The following DAP3 variants were observed in gnomAD, a reference collection of about 807,000 sequenced individuals.
The protein encoded by DAP3 is small ribosomal subunit protein mS29.
Under a neutral mutation model 51.9 loss-of-function variants are expected in DAP3, and 28 were observed. The ratio of observed to expected loss-of-function variants is 0.54; its 90% CI spans 0.40 to 0.74. DAP3 has a LOEUF of 0.74. Ranked by LOEUF, DAP3 falls within the 30% of genes least tolerant of loss-of-function variation. DAP3 has a pLI of 0.00. For missense variants in DAP3, 458 were observed against 483.5 expected, an observed-to-expected ratio of 0.95 and a Z score of 0.49; for synonymous variants, 170 against 170.3, an observed-to-expected ratio of 1.00 and a Z score of 0.01.
At chr1:155,688,303 C>G, upstream of DAP3, 1 of 1,566,314 alleles carries the variant, frequency 6.4e-7, no homozygotes, top group Non-Finnish European at 8.7e-7. Context: ...TTTCCCCTCG[C>G]AAAGCGAACC....
At chr1:155,719,547 CTTTT>C (rs943597277) in intron 3 of DAP3, among the ~76,000 whole-genome samples, 2 of 145,884 alleles carry the variant, frequency 1.4e-5, no homozygotes, top group African/African-American at 5.1e-5. Context: ...AAAAAATTTT[CTTTT>C]TCTTTTTCTT....
At position 155,725,392 on chromosome 1, in the gene DAP3, T is replaced by G; in HGVS notation, c.281T>G (p.Phe94Cys). Reference protein sequence around the residue: ...PPRFVMQVKTFSEACLMVRKP... With the variant: ...PPRFVMQVKTCSEACLMVRKP... ...TTCCTACTTTATCAGGTGAAGACATTCAGTGAAGCTTGCCTGATGGTAAGG... is the reference window on the plus strand; with the variant it reads ...TTCCTACTTTATCAGGTGAAGACATGCAGTGAAGCTTGCCTGATGGTAAGG... Residue 94 changes from phenylalanine to cysteine, a missense_variant, in exon 5 of 13, where the codon TTC (phenylalanine) becomes TGC (cysteine). Physicochemically the swap from Phe to Cys is radical, Grantham distance 205 (BLOSUM62 -2). Transcript: ENST00000368336. 1.2e-6 allele frequency: 2 copies of G among 1,614,006 alleles called. No individual in the cohort carries two copies. The highest frequency in any genetic ancestry group is 1.7e-6 in the Non-Finnish European group (2 of 1,179,968).
chr1:155,707,554 A>G (rs918034751), intron 1 of DAP3, among the ~76,000 whole-genome samples: 2 of 152,188 alleles, frequency 1.3e-5, no homozygotes, highest in Non-Finnish European at 2.9e-5. Flanking sequence ...GGGCTTTTAA[A>G]TTAGATATTT....
At chr1:155,718,609 C>A (rs1169894104) in intron 3 of DAP3, among the ~76,000 whole-genome samples, 1 of 151,590 alleles carries the variant, frequency 6.6e-6, no homozygotes, top group Admixed American at 6.6e-5. Context: ...ATGGTATGAA[C>A]CTGGAGGTGG....
intron 3 of DAP3, 26 bp downstream of exon 3, chr1:155,717,154 T>C: frequency 6.2e-7 from 1 of 1,603,438 alleles, no homozygotes; most frequent in Non-Finnish European, 8.5e-7. Context: ...GTATATGGGG[T>C]TTCTCAGGGC....
chr1:155,727,482 A>G (rs184889580), intron 6 of DAP3, 126 bp from the exon 7 acceptor site: 22,399 of 1,069,192 alleles, frequency 0.021, 269 homozygotes, highest in Middle Eastern at 0.035. Flanking sequence ...AAAAAAAAAA[A>G]AAAAGAAAAG....
In DAP3 at chr1:155,729,048, G is replaced by C; in HGVS notation, c.610G>C (p.Val204Leu). Reference sequence around the variant, plus strand: ...TTTCTTTGCTTGCTTTTAGATAAAAGTTCAAGAGAAGTATGTCTGGAATAA... The same window carrying C: ...TTTCTTTGCTTGCTTTTAGATAAAACTTCAAGAGAAGTATGTCTGGAATAA... ...TNERFLNQIK[V>L]QEKYVWNKRE... Residue 204 changes from valine to leucine, a missense_variant, in exon 8 of 13, where the codon GTT (valine) becomes CTT (leucine). Transcript: ENST00000368336. The C allele has an allele frequency of 1.2e-6, 2 of 1,613,128 alleles. No individual in the cohort carries two copies. The highest frequency in any genetic ancestry group is 2.2e-5 in the South Asian group (2 of 90,856).
rs1211559742 is a variant in DAP3 at position 155,689,146 on chromosome 1, T to C, written c.-36T>C. On this transcript the variant is annotated 5_prime_UTR_variant, in exon 1 of 13. Transcript: ENST00000368336. The stretch of plus-strand genomic sequence containing the variant: ...CCCCAGGCAGCGTGTGTCGGTCGCC[T>C]AGTCTGGAGAACTAGTCCTCGACTC... 1 of 858,732 alleles carries C rather than the reference T, an allele frequency of 1.2e-6. No individual in the cohort carries two copies. Among genetic ancestry groups the C allele is most frequent in the African/African-American group, 1.7e-5 (1 of 59,922 alleles). 53.2% of individuals were successfully genotyped at this position (858,732 alleles called of 1,614,324 possible). A position where few individuals can be genotyped will look rare whatever the true frequency, so the allele number is the denominator to read the frequency against.
intron 6 of DAP3, 27 bp downstream of exon 6, chr1:155,726,046 TCTGTTAGGTTTAGTTATC>T (rs1418503434): frequency 6.3e-7 from 1 of 1,587,606 alleles, no homozygotes; most frequent in African/African-American, 1.3e-5. Context: ...GTTTCTTCTG[TCTGTTAGGTTTAGTTATC>T]CTGTTACTGT....
At chr1:155,708,456 A>G (rs772807923) in intron 1 of DAP3, among the ~76,000 whole-genome samples, 2 of 151,954 alleles carry the variant, frequency 1.3e-5, no homozygotes, top group Non-Finnish European at 2.9e-5. Flanking sequence ...ATTGACATGT[A>G]TGAAAGTTGA....
rs200267442 is a variant in DAP3, at chr1:155,729,126, T to G, written c.684+4T>G. ...TCTGGGAGAAGTGGTTGAACAGGTATAAGAAAAAACACTGAATGTGTAACA... is the reference window on the plus strand; with the variant it reads ...TCTGGGAGAAGTGGTTGAACAGGTAGAAGAAAAAACACTGAATGTGTAACA... On this transcript the variant is annotated splice_donor_region_variant and intron_variant, in intron 8 of 12. Transcript: ENST00000368336. The G allele has an allele frequency of 1.7e-4, 276 of 1,613,942 alleles. No individual in the cohort carries two copies. Among genetic ancestry groups the G allele is most frequent in the Admixed American group, 1.2e-4 (7 of 59,974 alleles).
chr1:155,725,048 A>G (rs544251561), intron 4 of DAP3, among the ~76,000 whole-genome samples: 31 of 152,272 alleles, frequency 2.0e-4, no homozygotes, highest in African/African-American at 7.0e-4. Context: ...TATGCTTTCC[A>G]TATTTACAGT....
At chr1:155,693,714 C>G (rs1654162061) in intron 1 of DAP3, among the ~76,000 whole-genome samples, 1 of 141,922 alleles carries the variant, frequency 7.0e-6, no homozygotes, top group Non-Finnish European at 1.5e-5. Flanking sequence ...GTAATCCCAG[C>G]ACTTTGGGAG....
At chr1:155,736,175 T>G (rs1659771124) in intron 11 of DAP3, among the ~76,000 whole-genome samples, 1 of 151,874 alleles carries the variant, frequency 6.6e-6, no homozygotes, top group African/African-American at 2.4e-5. Flanking sequence ...TAATTTTGTA[T>G]TTTTAGTATT....
At chr1:155,700,442 A>G (rs1655045180) in intron 1 of DAP3, among the ~76,000 whole-genome samples, 2 of 152,210 alleles carry the variant, frequency 1.3e-5, no homozygotes, top group African/African-American at 4.8e-5. Context: ...TGTTATAGTT[A>G]AGAAACCATT....
chr1:155,689,071 G>A (rs1005458751), upstream of DAP3: 14 of 1,498,806 alleles, frequency 9.3e-6, no homozygotes, highest in Admixed American at 1.8e-4. Context: ...GTTTCCTGCC[G>A]GATGACCCGA....
At chr1:155,704,385 C>A (rs1655694259) in intron 1 of DAP3, among the ~76,000 whole-genome samples, 1 of 152,134 alleles carries the variant, frequency 6.6e-6, no homozygotes, top group African/African-American at 2.4e-5. Context: ...GCATCTGGAC[C>A]ATGTCACACA....
At chr1:155,707,991 A>T (rs1656208824) in intron 1 of DAP3, among the ~76,000 whole-genome samples, 1 of 151,884 alleles carries the variant, frequency 6.6e-6, no homozygotes. Flanking sequence ...TATAATTCAT[A>T]CTCTGCTAGT....
upstream of DAP3, chr1:155,688,053 C>T (rs752093057): frequency 4.5e-6 from 7 of 1,557,982 alleles, no homozygotes; most frequent in Non-Finnish European, 5.2e-6. Context: ...GAATGCCGGC[C>T]CAAATCGTTC....
Sources: allele counts gnomAD v4.1 joint callset (sites outside exome capture counted in the v4.1 genomes callset), GRCh38; gene constraint gnomAD v4.1.1; transcripts MANE v1.5; gene names NCBI Gene and HGNC (gene_info 2026-07-23, HGNC 2026-07-21).